RBFOX1: variants seen among roughly 807,000 people sequenced by gnomAD.
RBFOX1 encodes the protein RNA binding protein fox-1 homolog 1.
RBFOX1 carries 8 observed loss-of-function variants against 57.7 expected under a neutral mutation model. The observed-to-expected ratio is 0.14, with a 90% CI of 0.08 to 0.25. The LOEUF (loss-of-function observed/expected upper bound fraction) is 0.25. Among genes scored for constraint, RBFOX1 ranks in the 10% least tolerant of loss-of-function variants. The pLI is 1.00. For missense variants in RBFOX1, 611 were observed against 548.5 expected, an observed-to-expected ratio of 1.11 and a Z score of -1.14; for synonymous variants, 326 against 222.4, an observed-to-expected ratio of 1.47 and a Z score of -4.15.
At chr16:6,900,949 G>A (rs983739386) in intron 3 of RBFOX1, among the ~76,000 whole-genome samples, 1 of 152,176 alleles carries the variant, frequency 6.6e-6, no homozygotes, top group African/African-American at 2.4e-5. Context: ...ATTTGTAGAA[G>A]GTGTGAATGC....
chr16:5,381,217 A>T (rs2066122237), intron 1 of RBFOX1, among the ~76,000 whole-genome samples: 1 of 152,258 alleles, frequency 6.6e-6, no homozygotes, highest in African/African-American at 2.4e-5. Context: ...ACTCAGTAAA[A>T]GGCAGGGCAG....
chr16:7,091,797 A>G (rs2060904527), intron 4 of RBFOX1, among the ~76,000 whole-genome samples: 1 of 152,188 alleles, frequency 6.6e-6, no homozygotes, highest in African/African-American at 2.4e-5. Context: ...TACATTCTAG[A>G]GCTTCGTTAT....
chr16:6,904,655 A>G (rs564890869), intron 3 of RBFOX1, among the ~76,000 whole-genome samples: 2 of 150,012 alleles, frequency 1.3e-5, no homozygotes, highest in Non-Finnish European at 3.0e-5. Flanking sequence ...AAATTCATAC[A>G]TCTTGTACCT....
intron 4 of RBFOX1, among the ~76,000 whole-genome samples, chr16:7,067,723 C>G (rs2153766504): frequency 8.0e-6 from 1 of 125,046 alleles, no homozygotes; most frequent in South Asian, 2.9e-4. Context: ...GTGTGATGTT[C>G]CCCTTCCTGT....
intron 3 of RBFOX1, among the ~76,000 whole-genome samples, chr16:6,665,761 A>ATT (rs34031313): frequency 6.6e-6 from 1 of 152,116 alleles, no homozygotes; most frequent in East Asian, 1.9e-4. Flanking sequence ...GCCATAGACC[A>ATT]TTTTTTAGTA....
chr16:7,666,997 G>A (rs1170133319), intron 13 of RBFOX1, among the ~76,000 whole-genome samples: 3 of 152,086 alleles, frequency 2.0e-5, no homozygotes, highest in Non-Finnish European at 2.9e-5. Flanking sequence ...GACTTTTCAG[G>A]CCACGACCCC....
chr16:6,891,090 GT>G (rs1408231427), intron 3 of RBFOX1, among the ~76,000 whole-genome samples: 2 of 152,124 alleles, frequency 1.3e-5, no homozygotes, highest in African/African-American at 2.4e-5. Flanking sequence ...GACACCAGGC[GT>G]TCTTCCAATA....
chr16:7,053,575 A>G (rs1239198825), intron 4 of RBFOX1, among the ~76,000 whole-genome samples: 8 of 152,176 alleles, frequency 5.3e-5, no homozygotes, highest in Non-Finnish European at 8.8e-5. Context: ...TAATATTGAA[A>G]TCTCTATTGC....
intron 3 of RBFOX1, among the ~76,000 whole-genome samples, chr16:6,785,322 A>T (rs991733089): frequency 2.6e-5 from 4 of 152,186 alleles, no homozygotes; most frequent in African/African-American, 9.7e-5. Flanking sequence ...ATTTATCCAG[A>T]CATCTCTGTG....
intron 4 of RBFOX1, among the ~76,000 whole-genome samples, chr16:6,001,164 A>G (rs985669209): frequency 2.0e-5 from 3 of 152,226 alleles, no homozygotes; most frequent in African/African-American, 4.8e-5. Flanking sequence ...AGAGGCAACA[A>G]TATTTGACCA....
At chr16:6,061,855 A>T (rs2095690324) in intron 1 of RBFOX1, among the ~76,000 whole-genome samples, 1 of 152,136 alleles carries the variant, frequency 6.6e-6, no homozygotes, top group Non-Finnish European at 1.5e-5. Context: ...CCATTCTGAC[A>T]TTATCTACCT....
At chr16:6,485,746 A>G (rs1156654057) in intron 2 of RBFOX1, among the ~76,000 whole-genome samples, 1 of 152,194 alleles carries the variant, frequency 6.6e-6, no homozygotes, top group Non-Finnish European at 1.5e-5. Flanking sequence ...GGTTTATACG[A>G]AAGTACTTTC....
rs886624899 is a variant in RBFOX1 at position 5,870,874 on chromosome 16, C to G, written c.351+3539C>G. Among the ~76,000 whole-genome samples the G allele has an allele frequency of 7.2e-5, 11 of 151,902 alleles. 1 individual carries two copies. The highest frequency in any genetic ancestry group is 9.7e-5 in the African/African-American group (4 of 41,334). On this transcript the variant is annotated intron_variant, in intron 4 of 19. Transcript: ENST00000641259. ...TTCTCAAATGACTTTCTTTCCCCCCCACCCCCAAGTAGAGACAAACAGTTG... is the reference window on the plus strand; with the variant it reads ...TTCTCAAATGACTTTCTTTCCCCCCGACCCCCAAGTAGAGACAAACAGTTG...
At chr16:5,399,517 TC>T (rs1345394279) in intron 1 of RBFOX1, among the ~76,000 whole-genome samples, 1 of 152,128 alleles carries the variant, frequency 6.6e-6, no homozygotes, top group African/African-American at 2.4e-5. Context: ...CCTTATTTTT[TC>T]TCTTTTAAAA....
intron 4 of RBFOX1, among the ~76,000 whole-genome samples, chr16:7,401,668 G>T (rs531451333): frequency 9.2e-5 from 14 of 152,294 alleles, no homozygotes; most frequent in Non-Finnish European, 1.5e-4. Context: ...ATCAAGTAGA[G>T]GAAAACAGTG....
chr16:5,724,154 C>G (rs917959724), intron 3 of RBFOX1, among the ~76,000 whole-genome samples: 4 of 152,120 alleles, frequency 2.6e-5, no homozygotes, highest in African/African-American at 9.7e-5. Context: ...TGTTTTATCT[C>G]AAAGAAGAGA....
rs370587986 is a variant in RBFOX1 at position 6,963,127 on chromosome 16, C to A, written c.-15-88930C>A. ...GAAGTCCGAGATTCACCTCTGGGTG[C>A]AGGACTCTTTGGGGTTCTGGCTGGT... On this transcript the variant is annotated intron_variant, in intron 3 of 15. Coordinates refer to ENST00000550418, the MANE Select transcript of RBFOX1 (RefSeq NM_018723.4). Among the ~76,000 whole-genome samples the A allele has an allele frequency of 5.5e-4, 83 of 152,248 alleles. 1 individual carries two copies. The South Asian group carries it at 0.017, about 30-fold the overall frequency.
chr16:7,347,634 G>A (rs1222471492), intron 4 of RBFOX1, among the ~76,000 whole-genome samples: 3 of 152,118 alleles, frequency 2.0e-5, no homozygotes, highest in African/African-American at 4.8e-5. Context: ...CCCCACTCTA[G>A]GCTGTCACAC....
chr16:5,583,347 A>G (rs1254443927), intron 2 of RBFOX1, among the ~76,000 whole-genome samples: 1 of 152,238 alleles, frequency 6.6e-6, no homozygotes, highest in East Asian at 1.9e-4. Context: ...AATAGTATGT[A>G]TCTGTAATAA....
Sources: gnomAD v4.1 joint callset for allele counts (sites outside exome capture counted in the v4.1 genomes callset) on GRCh38, gnomAD v4.1.1 for gene constraint, MANE v1.5 for transcripts, NCBI Gene and HGNC (gene_info 2026-07-23, HGNC 2026-07-21) for gene names.